Variants in MIX23 observed in about 807,000 individuals in gnomAD.
MIX23 encodes protein MIX23.
A neutral mutation model predicts 21.6 loss-of-function variants in MIX23; 13 were observed. That is an observed-to-expected ratio of 0.60 (90% CI 0.39 to 0.96). The LOEUF is 0.96. MIX23 is among the 40% of genes least tolerant of loss of function. The pLI is 0.00. For missense variants in MIX23, 144 were observed against 171.2 expected (o/e 0.84, Z 0.89); for synonymous variants, 59 against 58.0 (o/e 1.02, Z -0.08).
At position 122,359,926 on chromosome 3, in the gene MIX23, T is replaced by C; in HGVS notation, c.385-7A>G. The C allele has an allele frequency of 1.3e-6, 2 of 1,541,768 alleles. No individual in the cohort carries two copies. The highest frequency in any genetic ancestry group is 1.2e-5 in the South Asian group (1 of 85,024). On this transcript the variant is annotated splice_region_variant and splice_polypyrimidine_tract_variant and intron_variant, in intron 4 of 4. Coordinates refer to ENST00000291458, the MANE Select transcript of MIX23 (RefSeq NM_001017928.4). ...GGCAGCGTTCATTAAACACCTAAAATATTGAAACAGAAACAAAAGTCATTG... is the reference window on the plus strand; with the variant it reads ...GGCAGCGTTCATTAAACACCTAAAACATTGAAACAGAAACAAAAGTCATTG...
At position 122,359,830 on chromosome 3, in the gene MIX23, TAAAAAAAAAA is replaced by T. The variant is rs527562300; in HGVS notation, c.*29_*38del. The T allele has an allele frequency of 0.24, 238,084 of 998,492 alleles. 7,337 individuals carry two copies. The highest frequency in any genetic ancestry group is 0.29 in the East Asian group (6,159 of 21,140). 61.9% of individuals were successfully genotyped at this position (998,492 alleles called of 1,614,324 possible). A position where few individuals can be genotyped will look rare whatever the true frequency, so the allele number is the denominator to read the frequency against. ...AGCTCTTATGAGATGACCCAGTCCTTAAAAAAAAAAAAAAAAAAAAAAAAAAAAGAATCTC... is the reference window on the plus strand; with the variant it reads ...AGCTCTTATGAGATGACCCAGTCCTTAAAAAAAAAAAAAAAAAAGAATCTC... On this transcript the variant is annotated 3_prime_UTR_variant, in exon 5 of 5. Transcript: ENST00000291458.
intron 1 of MIX23, among the ~76,000 whole-genome samples, chr3:122,380,581 G>T (rs1434150387): frequency 6.6e-6 from 1 of 152,096 alleles, no homozygotes; most frequent in Admixed American, 6.5e-5. Context: ...AGTGCTGGGG[G>T]GTGGGTATGA....
In MIX23 at chr3:122,371,746, T is replaced by C; in HGVS notation, c.106A>G (p.Thr36Ala). The C allele has an allele frequency of 6.2e-7, 1 of 1,611,216 alleles. No homozygotes were observed. Among genetic ancestry groups the C allele is most frequent in the Non-Finnish European group, 8.5e-7 (1 of 1,177,740 alleles). Residue 36 changes from threonine (T) to alanine (A), a missense_variant, in exon 2 of 5, where the codon ACT (threonine) becomes GCT (alanine). Transcript: ENST00000291458. ...GCAAAGGAAGCTGTTGGAACCGTAGTGTTTAATTCATGTACTATTCTGTCA... is the reference window on the plus strand; with the variant it reads ...GCAAAGGAAGCTGTTGGAACCGTAGCGTTTAATTCATGTACTATTCTGTCA... ...IDDRIVHELN[T>A]TVPTASFAGK...
intron 1 of MIX23, among the ~76,000 whole-genome samples, chr3:122,373,696 A>C (rs1156629619): frequency 1.3e-5 from 2 of 152,216 alleles, no homozygotes; most frequent in East Asian, 3.8e-4. Context: ...AGCCCATTCA[A>C]TCTAAGTCTG....
Position 122,371,696 on chromosome 3 carries a change from G to T in MIX23, c.156C>A (p.Thr52=). The T allele has an allele frequency of 1.2e-6, 2 of 1,612,312 alleles. No homozygotes were observed. The highest frequency in any genetic ancestry group is 2.2e-5 in the South Asian group (2 of 91,008). ...TTACAGACTCATAAAGTTGTTTACA[G>T]GTTTGGCTGGCATCAATTTTCCCTG... ...SFAGKIDASQ[T]CKQLYESLMA... The change falls in exon 2 of 5, where the codon ACC becomes ACA. Residue 52 remains threonine, a synonymous_variant. Coordinates refer to ENST00000291458, the MANE Select transcript of MIX23 (RefSeq NM_001017928.4).
chr3:122,362,779 C>T (rs927593806), intron 4 of MIX23, among the ~76,000 whole-genome samples, 189 bp downstream of exon 4: 4 of 152,010 alleles, frequency 2.6e-5, no homozygotes, highest in African/African-American at 9.7e-5. Flanking sequence ...TAATTAGATG[C>T]TAACTGCATC....
At chr3:122,368,977 T>C (rs2075418220) in intron 2 of MIX23, among the ~76,000 whole-genome samples, 1 of 152,220 alleles carries the variant, frequency 6.6e-6, no homozygotes, top group Admixed American at 6.5e-5. Context: ...ACAGAACAAC[T>C]CTTGATAACC....
rs368436135 is a variant in MIX23, at chr3:122,359,937, A to C, written c.385-18T>G. The C allele has an allele frequency of 1.2e-4, 195 of 1,591,714 alleles. 1 individual carries two copies. Among genetic ancestry groups the C allele is most frequent in the Non-Finnish European group, 1.6e-4 (189 of 1,172,824 alleles). On this transcript the variant is annotated intron_variant, in intron 4 of 4. Coordinates refer to ENST00000291458, the MANE Select transcript of MIX23 (RefSeq NM_001017928.4). Reference sequence around the variant, plus strand: ...TTAAACACCTAAAATATTGAAACAGAAACAAAAGTCATTGAGTTATCCTGC... The same window carrying C: ...TTAAACACCTAAAATATTGAAACAGCAACAAAAGTCATTGAGTTATCCTGC...
chr3:122,366,131 T>C (rs1171354940), intron 3 of MIX23, among the ~76,000 whole-genome samples: 2 of 151,370 alleles, frequency 1.3e-5, no homozygotes, highest in African/African-American at 2.4e-5. Flanking sequence ...TGAGCCAAGA[T>C]TGCACCACTG....
intron 1 of MIX23, among the ~76,000 whole-genome samples, chr3:122,372,224 CAAAAAAAAAAAA>C (rs55800173): frequency 2.2e-5 from 1 of 46,104 alleles, no homozygotes; most frequent in Non-Finnish European, 4.0e-5. Flanking sequence ...CTCCAACTCT[CAAAAAAAAAAAA>C]AAAAAAAAAA....
chr3:122,383,105 G>C (rs1293551533), intron 1 of MIX23, 69 bp downstream of exon 1: 14 of 1,558,324 alleles, frequency 9.0e-6, no homozygotes, highest in African/African-American at 1.4e-5. Context: ...ATACTCCCTC[G>C]CAAAGCAGGG....
chr3:122,371,881 C>T, intron 1 of MIX23, 81 bp from the exon 2 acceptor site: 1 of 1,204,598 alleles, frequency 8.3e-7, no homozygotes, highest in Non-Finnish European at 1.2e-6. Flanking sequence ...AAAAATAAAG[C>T]TCTTGGATAT....
chr3:122,371,875 A>G, intron 1 of MIX23, 75 bp from the exon 2 acceptor site: 1 of 1,273,278 alleles, frequency 7.9e-7, no homozygotes, highest in South Asian at 1.4e-5. Flanking sequence ...TAAGTAAAAA[A>G]TAAAGCTCTT....
chr3:122,377,517 G>A lies in MIX23; in HGVS notation c.51+5657C>T, dbSNP rs117244267. On this transcript the variant is annotated intron_variant, in intron 1 of 4. Coordinates refer to ENST00000291458, the MANE Select transcript of MIX23 (RefSeq NM_001017928.4). ...ACGGAAGTCAGAAGAAAGGTTTAACGGAGGGATTGGTCATTTGTGTTGAAT... is the reference window on the plus strand; with the variant it reads ...ACGGAAGTCAGAAGAAAGGTTTAACAGAGGGATTGGTCATTTGTGTTGAAT... Among the ~76,000 whole-genome samples, 51 of 152,266 alleles carry A rather than the reference G, an allele frequency of 3.3e-4. 2 individuals carry two copies. In the East Asian group the frequency reaches 8.5e-3, roughly 25 times the overall value.
At chr3:122,370,034 GC>G (rs1438797846) in intron 2 of MIX23, among the ~76,000 whole-genome samples, 7 of 152,206 alleles carry the variant, frequency 4.6e-5, no homozygotes, top group Non-Finnish European at 8.8e-5. Context: ...ACAGGTGTGA[GC>G]CACTGCACCT....
chr3:122,379,381 T>A (rs925607280), intron 1 of MIX23, among the ~76,000 whole-genome samples: 1 of 152,172 alleles, frequency 6.6e-6, no homozygotes, highest in Admixed American at 6.5e-5. Flanking sequence ...GGAAAAGAAC[T>A]GTAAACCGTC....
chr3:122,370,348 T>C (rs2075431358), intron 2 of MIX23, among the ~76,000 whole-genome samples: 1 of 149,140 alleles, frequency 6.7e-6, no homozygotes, highest in African/African-American at 2.5e-5. Context: ...TCCCAGCTAC[T>C]TGGGAGGCTG....
At chr3:122,365,056 C>T (rs1035517448) in intron 3 of MIX23, among the ~76,000 whole-genome samples, 1 of 152,200 alleles carries the variant, frequency 6.6e-6, no homozygotes, top group African/African-American at 2.4e-5. Flanking sequence ...ATCAGTGCTA[C>T]CAACAAACTG....
At chr3:122,377,643 G>A (rs1485936198) in intron 1 of MIX23, among the ~76,000 whole-genome samples, 2 of 152,094 alleles carry the variant, frequency 1.3e-5, no homozygotes, top group East Asian at 3.9e-4. Context: ...ACGGCTAGGA[G>A]TTCAAGACCA....
Sources: gnomAD v4.1 joint callset for allele counts (sites outside exome capture counted in the v4.1 genomes callset) on GRCh38, gnomAD v4.1.1 for gene constraint, MANE v1.5 for transcripts, NCBI Gene and HGNC (gene_info 2026-07-23, HGNC 2026-07-21) for gene names.